The following DVL3 variants were observed in gnomAD, a reference collection of about 807,000 sequenced individuals.
The protein encoded by DVL3 is segment polarity protein dishevelled homolog DVL-3.
DVL3 carries 27 observed loss-of-function variants against 67.4 expected under a neutral mutation model. That is an observed-to-expected ratio of 0.40 (90% CI 0.30 to 0.55). The LOEUF (loss-of-function observed/expected upper bound fraction) is 0.55, where lower values mean the gene tolerates loss of function less well. Ranked by LOEUF, DVL3 falls within the 20% of genes least tolerant of loss-of-function variation. DVL3 has a pLI of 0.46. For synonymous variants in DVL3, 369 were observed against 396.8 expected (o/e 0.93, Z 0.83); for missense variants, 819 against 1,021.5 (o/e 0.80, Z 2.70).
chr3:184,171,162 C>T lies in DVL3; in HGVS notation c.*407C>T. 1 of 1,158,960 alleles carries T rather than the reference C, an allele frequency of 8.6e-7. No individual in the cohort carries two copies. Among genetic ancestry groups the T allele is most frequent in the Non-Finnish European group, 1.1e-6 (1 of 931,234 alleles). 71.8% of individuals were successfully genotyped at this position (1,158,960 alleles called of 1,614,324 possible). On this transcript the variant is annotated 3_prime_UTR_variant, in exon 15 of 15. Coordinates refer to ENST00000313143, the MANE Select transcript of DVL3 (RefSeq NM_004423.4). Reference sequence around the variant, plus strand: ...TAGCTCCCTTTCACCATTTATTCAGCTACATCATCCCTCTATTAACCCCAC... The same window carrying T: ...TAGCTCCCTTTCACCATTTATTCAGTTACATCATCCCTCTATTAACCCCAC...
chr3:184,158,924 A>G (rs1714290982), intron 1 of DVL3, among the ~76,000 whole-genome samples: 2 of 151,294 alleles, frequency 1.3e-5, no homozygotes, highest in African/African-American at 4.9e-5. Flanking sequence ...TACAGGCATG[A>G]GCCACCATGC....
In DVL3 at chr3:184,172,705, G is replaced by C. The variant is rs545152527; in HGVS notation, c.*1950G>C. 1 of 152,356 alleles carries C rather than the reference G, an allele frequency of 6.6e-6. No homozygotes were observed. The highest frequency in any genetic ancestry group is 1.5e-5 in the Non-Finnish European group (1 of 68,042). The allele number at this position is 152,356 out of a possible 1,614,324, so 9.4% of individuals were successfully genotyped here. A position where few individuals can be genotyped will look rare whatever the true frequency, so the allele number is the denominator to read the frequency against. On this transcript the variant is annotated 3_prime_UTR_variant, in exon 15 of 15. Coordinates refer to ENST00000313143, the MANE Select transcript of DVL3 (RefSeq NM_004423.4). The stretch of plus-strand genomic sequence containing the variant: ...GTGAGTTGAGATCGCACTCCAGCCT[G>C]GGTGACAGAGTGAGATTCTGTCTCA...
chr3:184,155,622 C>T lies in DVL3; in HGVS notation c.-14C>T, dbSNP rs563164695. 4 of 1,405,060 alleles carry T rather than the reference C, an allele frequency of 2.8e-6. No homozygotes were observed. In the South Asian group the frequency reaches 4.5e-5, roughly 16 times the overall value. 87.0% of individuals were successfully genotyped at this position (1,405,060 alleles called of 1,614,324 possible). On this transcript the variant is annotated 5_prime_UTR_variant, in exon 1 of 15. Coordinates refer to ENST00000313143, the MANE Select transcript of DVL3 (RefSeq NM_004423.4). The surrounding 1 kb of genome is among the most constrained non-coding windows in gnomAD (Gnocchi z 5.4). ...GCAGGCCGCGCGCGGGCCGCCGGGCCCGAGGCCAGAGCCATGGGCGAGACC... is the reference window on the plus strand; with the variant it reads ...GCAGGCCGCGCGCGGGCCGCCGGGCTCGAGGCCAGAGCCATGGGCGAGACC...
At chr3:184,169,978 T>C (rs1244560245) in intron 13 of DVL3, 28 bp from the exon 14 acceptor site, 1 of 1,574,940 alleles carries the variant, frequency 6.3e-7, no homozygotes, top group East Asian at 2.3e-5. Flanking sequence ...CGGAAAGACC[T>C]AGCTCCATCC....
In DVL3 at chr3:184,164,999, C is replaced by T. The variant is rs750807417; in HGVS notation, c.599+68C>T. ...GGAGGAGCCCTAAACCCTGAGGATG[C>T]GGGGCCCCTGGGAGGCTTATGGGCT... On this transcript the variant is annotated intron_variant, in intron 5 of 14. Transcript: ENST00000313143. This position sits in a 1 kb window ranked among gnomAD's most constrained non-coding sequence, Gnocchi z 5.3. The T allele has an allele frequency of 7.5e-6, 12 of 1,609,386 alleles. No individual in the cohort carries two copies. Among genetic ancestry groups the T allele is most frequent in the East Asian group, 2.2e-5 (1 of 44,840 alleles).
At position 184,164,893 on chromosome 3, in the gene DVL3, C is replaced by G; in HGVS notation, c.561C>G (p.Thr187=). The change falls in exon 5 of 15, where the codon ACC becomes ACG. Residue 187 remains threonine, a synonymous_variant. Coordinates refer to ENST00000313143, the MANE Select transcript of DVL3 (RefSeq NM_004423.4). This position sits in a 1 kb window ranked among gnomAD's most constrained non-coding sequence, Gnocchi z 5.3. The part of the protein sequence containing the change: ...STLMSSELET[T]SFFDSDEDDS... Reference sequence around the variant, plus strand: ...TTATGAGCAGTGAGCTGGAGACCACCAGCTTCTTTGACTCAGATGAGGATG... The same window carrying G: ...TTATGAGCAGTGAGCTGGAGACCACGAGCTTCTTTGACTCAGATGAGGATG... The G allele has an allele frequency of 1.2e-6, 2 of 1,614,210 alleles. No homozygotes were observed. Among genetic ancestry groups the G allele is most frequent in the Non-Finnish European group, 1.7e-6 (2 of 1,180,026 alleles).
Position 184,171,388 on chromosome 3 carries a change from C to G in DVL3, c.*633C>G. 1 of 999,156 alleles carries G rather than the reference C, an allele frequency of 1.0e-6. No homozygotes were observed. The highest frequency in any genetic ancestry group is 1.2e-6 in the Non-Finnish European group (1 of 839,370). The allele number at this position is 999,156 out of a possible 1,614,324, so 61.9% of individuals were successfully genotyped here. ...AGGCCCAGAGGGCCCCCTCAGTTGC[C>G]TGAGCAGCTGGTGGCTTCCAGGGAG... is the stretch of plus-strand genomic sequence containing the variant. On this transcript the variant is annotated 3_prime_UTR_variant, in exon 15 of 15. Coordinates refer to ENST00000313143, the MANE Select transcript of DVL3 (RefSeq NM_004423.4).
At chr3:184,157,161 T>G (rs1177109257) in intron 1 of DVL3, 1 of 152,860 alleles carries the variant, frequency 6.5e-6, no homozygotes, top group East Asian at 1.9e-4. Flanking sequence ...GGGGTGCTCC[T>G]GGTGTGATAA....
chr3:184,170,551 A>C lies in DVL3; in HGVS notation c.1947A>C (p.Thr649=), dbSNP rs149781565. 5.0e-6 allele frequency: 8 copies of C among 1,612,144 alleles called. No individual in the cohort carries two copies. The African/African-American group carries it at 1.1e-4, about 22-fold the overall frequency. The stretch of plus-strand genomic sequence containing the variant: ...CCAGCAGCCTTCGCAGCCACCACAC[A>C]CACCCGAGCTACGGTCCTCCCGGAG... ...SLASSLRSHH[T]HPSYGPPGVP... Residue 649 remains threonine (T), a synonymous_variant, in exon 15 of 15, where the codon ACA becomes ACC. Transcript: ENST00000313143. The surrounding 1 kb of genome is among the most constrained non-coding windows in gnomAD (Gnocchi z 6.5).
At position 184,171,791 on chromosome 3, in the gene DVL3, C is replaced by A; in HGVS notation, c.*1036C>A. ...CTTTCCAGAGAGAATCGGATCGCAC[C>A]ACGTGTGGCAGCCTGCGGCGGGGGG... On this transcript the variant is annotated 3_prime_UTR_variant, in exon 15 of 15. Coordinates refer to ENST00000313143, the MANE Select transcript of DVL3 (RefSeq NM_004423.4). The A allele has an allele frequency of 5.4e-6, 1 of 186,732 alleles. No individual in the cohort carries two copies. Among genetic ancestry groups the A allele is most frequent in the Non-Finnish European group, 1.0e-5 (1 of 98,190 alleles). The allele number at this position is 186,732 out of a possible 1,614,324, so 11.6% of individuals were successfully genotyped here.
chr3:184,167,539 A>T lies in DVL3; in HGVS notation c.1199-41A>T, dbSNP rs1714640401. On this transcript the variant is annotated intron_variant, in intron 11 of 14. Coordinates refer to ENST00000313143, the MANE Select transcript of DVL3 (RefSeq NM_004423.4). The surrounding 1 kb of genome is among the most constrained non-coding windows in gnomAD (Gnocchi z 4.6). ...TGCAAACTCTTGTTTACCTAACTCC[A>T]AAGCCCCTTTCTGCCTCACCATTCT... The T allele has an allele frequency of 6.3e-7, 1 of 1,597,586 alleles. No individual in the cohort carries two copies. Among genetic ancestry groups the T allele is most frequent in the African/African-American group, 1.3e-5 (1 of 74,636 alleles).
intron 1 of DVL3, among the ~76,000 whole-genome samples, chr3:184,158,235 A>C (rs1053578132): frequency 1.3e-5 from 2 of 151,932 alleles, no homozygotes; most frequent in African/African-American, 4.8e-5. Context: ...TGGGAGGCTG[A>C]GACAGGAGGA....
intron 1 of DVL3, among the ~76,000 whole-genome samples, chr3:184,161,165 G>A (rs1011916037): frequency 6.6e-6 from 1 of 152,200 alleles, no homozygotes; most frequent in Non-Finnish European, 1.5e-5. Context: ...GGCGGCTCAC[G>A]CCTGTAATCC....
At chr3:184,156,364 C>T (rs777379765) in intron 1 of DVL3, 2 of 456,574 alleles carry the variant, frequency 4.4e-6, no homozygotes, top group African/African-American at 2.0e-5. Context: ...ATCTAGCTGC[C>T]TGCCCTCTCC....
intron 1 of DVL3, among the ~76,000 whole-genome samples, chr3:184,160,014 A>G (rs1714326572): frequency 6.6e-6 from 1 of 151,186 alleles, no homozygotes. Context: ...ATCTTGGTTC[A>G]CTGCAAGCTC....
At chr3:184,160,681 C>T (rs1166562095) in intron 1 of DVL3, among the ~76,000 whole-genome samples, 1 of 152,112 alleles carries the variant, frequency 6.6e-6, no homozygotes, top group African/African-American at 2.4e-5. Flanking sequence ...CTGTCGATGA[C>T]CCCCAGAAAG....
Position 184,165,658 on chromosome 3 carries a change from G to A in DVL3, c.763+167G>A, listed in dbSNP as rs1714558356. On this transcript the variant is annotated intron_variant, in intron 7 of 14. Coordinates refer to ENST00000313143, the MANE Select transcript of DVL3 (RefSeq NM_004423.4). This position sits in a 1 kb window ranked among gnomAD's most constrained non-coding sequence, Gnocchi z 4.1. ...TTTAGTATCTCACCATCAGGGCTAT[G>A]ACAGAGATAAGCACAGAGAGCTGTG... 6.6e-6 allele frequency among the ~76,000 whole-genome samples: 1 copy of A among 152,210 alleles called. No individual in the cohort carries two copies.
chr3:184,159,035 C>T (rs1714295425), intron 1 of DVL3, among the ~76,000 whole-genome samples: 1 of 144,498 alleles, frequency 6.9e-6, no homozygotes, highest in Admixed American at 6.9e-5. Context: ...CTCGGCCTCC[C>T]CAAGTGCTGG....
Position 184,171,612 on chromosome 3 carries a change from G to T in DVL3, c.*857G>T. ...GACTTTCTGTGAGCCCCCAGCGAGG[G>T]GAGGCCCAGCCTCCGAGGAGACCAG... On this transcript the variant is annotated 3_prime_UTR_variant, in exon 15 of 15. Transcript: ENST00000313143. 1 of 985,902 alleles carries T rather than the reference G, an allele frequency of 1.0e-6. No individual in the cohort carries two copies. The allele number at this position is 985,902 out of a possible 1,614,324, so 61.1% of individuals were successfully genotyped here.
Sources: allele counts gnomAD v4.1 joint callset (sites outside exome capture counted in the v4.1 genomes callset), GRCh38; gene constraint gnomAD v4.1.1; non-coding constraint Gnocchi (gnomAD v3.1); transcripts MANE v1.5; gene names NCBI Gene and HGNC (gene_info 2026-07-23, HGNC 2026-07-21).